Variants in SGCD observed in about 807,000 individuals in gnomAD.
SGCD encodes the protein sarcoglycan delta.
Under a neutral mutation model 36.6 loss-of-function variants are expected in SGCD, and 18 were observed. That is an observed-to-expected ratio of 0.49 (90% CI 0.34 to 0.73). The LOEUF (loss-of-function observed/expected upper bound fraction) is 0.73. Ranked by LOEUF, SGCD falls within the 30% of genes least tolerant of loss-of-function variation. The pLI is 0.01. For synonymous variants in SGCD, 133 were observed against 130.6 expected, an observed-to-expected ratio of 1.02 and a Z score of -0.12; for missense variants, 387 against 346.7, an observed-to-expected ratio of 1.12 and a Z score of -0.92.
chr5:156,352,856 G>A (rs1769323665), intron 3 of SGCD, among the ~76,000 whole-genome samples: 1 of 152,192 alleles, frequency 6.6e-6, no homozygotes, highest in South Asian at 2.1e-4. Flanking sequence ...ACTGGGATGG[G>A]TTGCAGGGAG....
At chr5:156,284,558 C>A (rs191864021) in intron 3 of SGCD, among the ~76,000 whole-genome samples, 10 of 152,184 alleles carry the variant, frequency 6.6e-5, no homozygotes, top group Admixed American at 5.2e-4. Flanking sequence ...ATAAACAGAA[C>A]CAACGACAAA....
intron 6 of SGCD, among the ~76,000 whole-genome samples, chr5:156,646,025 G>A (rs1029452434): frequency 6.6e-6 from 1 of 152,080 alleles, no homozygotes; most frequent in Non-Finnish European, 1.5e-5. Context: ...TATCACAGAA[G>A]TTGAACTTCA....
chr5:156,623,197 A>G (rs1561821498), intron 6 of SGCD, among the ~76,000 whole-genome samples: 1 of 152,068 alleles, frequency 6.6e-6, no homozygotes, highest in Non-Finnish European at 1.5e-5. Flanking sequence ...CTTTTAGAAA[A>G]CCACAGTATT....
intron 1 of SGCD, among the ~76,000 whole-genome samples, chr5:155,948,144 G>A (rs1757476384): frequency 6.6e-6 from 1 of 152,084 alleles, no homozygotes; most frequent in African/African-American, 2.4e-5. Flanking sequence ...AGTTGTGGTG[G>A]TGCATGCCTG....
At position 156,185,846 on chromosome 5, in the gene SGCD, T is replaced by TGTGTGTGC. The variant is rs1763735878; in HGVS notation, c.-44+61827_-44+61828insGTGTGTGC. 1.6e-4 allele frequency among the ~76,000 whole-genome samples: 2 copies of TGTGTGTGC among 12,538 alleles called. 1 individual carries two copies. Among genetic ancestry groups the TGTGTGTGC allele is most frequent in the African/African-American group, 3.3e-4 (2 of 6,002 alleles). 8.2% of individuals were successfully genotyped at this position (12,538 alleles called of 152,430 possible). A position where few individuals can be genotyped will look rare whatever the true frequency, so the allele number is the denominator to read the frequency against. On this transcript the variant is annotated intron_variant, in intron 3 of 9. Coordinates refer to the SGCD transcript ENST00000517913. ...ATATGTGTGTGTGTATATATATATATATATAGAGAGAGAGAGAGAGAGAGA... is the reference window on the plus strand; with the variant it reads ...ATATGTGTGTGTGTATATATATATATGTGTGTGCATATAGAGAGAGAGAGAGAGAGAGA...
intron 3 of SGCD, among the ~76,000 whole-genome samples, chr5:156,199,461 G>A (rs997240353): frequency 7.2e-5 from 11 of 152,182 alleles, no homozygotes; most frequent in Middle Eastern, 3.4e-3. Flanking sequence ...CAGGAAATGG[G>A]ACTTAAAAGG....
At chr5:156,748,956 G>A (rs1049090400) in intron 7 of SGCD, among the ~76,000 whole-genome samples, 1 of 151,980 alleles carries the variant, frequency 6.6e-6, no homozygotes, top group Non-Finnish European at 1.5e-5. Context: ...GTAGAGATGG[G>A]GTTTTACTAT....
intron 3 of SGCD, among the ~76,000 whole-genome samples, chr5:156,415,650 A>G (rs183060554): frequency 6.6e-6 from 1 of 152,336 alleles, no homozygotes; most frequent in Admixed American, 6.5e-5. Flanking sequence ...ACTAAAGTGT[A>G]GCCCAGATTA....
chr5:156,458,834 T>G (rs1754363954), intron 3 of SGCD, among the ~76,000 whole-genome samples: 1 of 152,198 alleles, frequency 6.6e-6, no homozygotes. Flanking sequence ...AACAAGTGAC[T>G]AGAACATGGT....
intron 2 of SGCD, among the ~76,000 whole-genome samples, chr5:156,333,512 G>A (rs1768167864): frequency 6.6e-6 from 1 of 152,010 alleles, no homozygotes; most frequent in African/African-American, 2.4e-5. Context: ...CATATATCTA[G>A]AAGCATTTAA....
chr5:155,865,127 G>GATAGATAGATAGATAA, the SGCD span, among the ~76,000 whole-genome samples: 1 of 151,242 alleles, frequency 6.6e-6, no homozygotes, highest in African/African-American at 2.4e-5. Context: ...TAGATAGATA[G>GATAGATAGATAGATAA]ATAGATATTT....
intron 4 of SGCD, among the ~76,000 whole-genome samples, chr5:156,583,116 G>A (rs1760349516): frequency 6.6e-6 from 1 of 152,212 alleles, no homozygotes; most frequent in Non-Finnish European, 1.5e-5. Context: ...TTTTCATAAA[G>A]GAGATTTTAG....
intron 3 of SGCD, among the ~76,000 whole-genome samples, chr5:156,491,725 A>G (rs1289377962): frequency 6.6e-6 from 1 of 152,176 alleles, no homozygotes; most frequent in Non-Finnish European, 1.5e-5. Flanking sequence ...AATTGGCTGC[A>G]GTAATTGTAA....
chr5:156,132,689 C>G (rs911630543), intron 3 of SGCD, among the ~76,000 whole-genome samples: 2 of 151,358 alleles, frequency 1.3e-5, no homozygotes, highest in African/African-American at 2.4e-5. Context: ...AGGATGGTCT[C>G]GATCTCCTGA....
the SGCD span, among the ~76,000 whole-genome samples, chr5:155,744,438 C>T: frequency 0.012 from 1,844 of 151,478 alleles, 37 homozygotes; most frequent in African/African-American, 0.04. Context: ...CCAGCCTGGG[C>T]GACAGAGCAA....
chr5:156,113,597 T>G (rs148610904), intron 1 of SGCD, among the ~76,000 whole-genome samples: 2 of 152,326 alleles, frequency 1.3e-5, no homozygotes, highest in Non-Finnish European at 2.9e-5. Flanking sequence ...AGAAGACAGT[T>G]TGGCAGTTTC....
chr5:156,368,213 C>T lies in SGCD; in HGVS notation c.192+23536C>T, dbSNP rs182986938. Among the ~76,000 whole-genome samples, 1,444 of 152,058 alleles carry T rather than the reference C, an allele frequency of 9.5e-3. 9 individuals carry two copies. Among genetic ancestry groups the T allele is most frequent in the Middle Eastern group, 0.014 (4 of 294 alleles). ...TTCAAGCAATTCTCTGCTTTAGCCTCCTGAGTAGCTGGGATTACAGGCGCC... is the reference window on the plus strand; with the variant it reads ...TTCAAGCAATTCTCTGCTTTAGCCTTCTGAGTAGCTGGGATTACAGGCGCC... On this transcript the variant is annotated intron_variant, in intron 3 of 8. Transcript: ENST00000337851.
chr5:156,256,433 T>G (rs193036601), intron 3 of SGCD, among the ~76,000 whole-genome samples: 1 of 152,348 alleles, frequency 6.6e-6, no homozygotes, highest in African/African-American at 2.4e-5. Flanking sequence ...CAGTATCTAC[T>G]CATTTACGTA....
intron 1 of SGCD, among the ~76,000 whole-genome samples, chr5:155,959,839 A>AT (rs1283611631): frequency 6.6e-6 from 1 of 151,908 alleles, no homozygotes; most frequent in Non-Finnish European, 1.5e-5. Context: ...ATTTGCCCAC[A>AT]TTTTTTCAAC....
Sources: allele counts gnomAD v4.1 joint callset (sites outside exome capture counted in the v4.1 genomes callset), GRCh38; gene constraint gnomAD v4.1.1; transcripts MANE v1.5; gene names NCBI Gene and HGNC (gene_info 2026-07-23, HGNC 2026-07-21).